PTPN3: variants seen among roughly 807,000 people sequenced by gnomAD.
PTPN3 encodes tyrosine-protein phosphatase non-receptor type 3.
PTPN3 carries 96 observed loss-of-function variants against 132.7 expected under a neutral mutation model. The ratio of observed to expected loss-of-function variants is 0.72; its 90% CI spans 0.61 to 0.86. PTPN3 has a LOEUF of 0.86. Ranked by LOEUF, PTPN3 falls within the 40% of genes least tolerant of loss-of-function variation. The pLI, the probability that PTPN3 is intolerant of heterozygous loss-of-function variation, is 0.00. For missense variants in PTPN3, 1,125 were observed against 1,159.6 expected (o/e 0.97, Z 0.43); for synonymous variants, 398 against 429.0 (o/e 0.93, Z 0.89).
intron 16 of PTPN3, among the ~76,000 whole-genome samples, chr9:109,408,807 ATATATATATATGGGCTT>A (rs1841815735): frequency 1.4e-5 from 2 of 143,324 alleles, no homozygotes; most frequent in African/African-American, 2.6e-5. Context: ...ATATATATAT[ATATATATATATGGGCTT>A]TATATATATA....
chr9:109,509,926 GT>G, the PTPN3 span, among the ~76,000 whole-genome samples: 1 of 152,118 alleles, frequency 6.6e-6, no homozygotes, highest in Non-Finnish European at 1.5e-5. Flanking sequence ...TCTGTCTGTA[GT>G]TCTGGTAAAG....
At chr9:109,477,081 C>A (rs979340849) in intron 1 of PTPN3, among the ~76,000 whole-genome samples, 13 of 152,000 alleles carry the variant, frequency 8.6e-5, no homozygotes, top group Non-Finnish European at 1.5e-4. Context: ...AGGTGATGAT[C>A]CCAAGCTCAG....
chr9:109,492,157 C>T (rs1238369889), intron 1 of PTPN3, among the ~76,000 whole-genome samples: 2 of 152,216 alleles, frequency 1.3e-5, no homozygotes, highest in Non-Finnish European at 2.9e-5. Context: ...CCAACCTCCC[C>T]TCCCCAGGCC....
In PTPN3 at chr9:109,389,228, CT is replaced by C. The variant is rs1406412938; in HGVS notation, c.2253+4del. 9.9e-6 allele frequency: 16 copies of C among 1,613,922 alleles called. No homozygotes were observed. The highest frequency in any genetic ancestry group is 1.4e-5 in the Non-Finnish European group (16 of 1,179,934). ...CACATCTGAATTAGAAATCAAGCTA[CT>C]TACCCGCCCTCGTTCTGTGAGAGTC... is the stretch of plus-strand genomic sequence containing the variant. On this transcript the variant is annotated splice_donor_region_variant and intron_variant, in intron 22 of 25. Coordinates refer to ENST00000374541, the MANE Select transcript of PTPN3 (RefSeq NM_002829.4).
At chr9:109,471,433 CT>C (rs544622065) in intron 1 of PTPN3, among the ~76,000 whole-genome samples, 1 of 152,178 alleles carries the variant, frequency 6.6e-6, no homozygotes, top group Non-Finnish European at 1.5e-5. Flanking sequence ...GAACCACTTG[CT>C]GCAGAGATCA....
intron 1 of PTPN3, among the ~76,000 whole-genome samples, chr9:109,479,850 C>T (rs1245159308): frequency 6.6e-6 from 1 of 152,150 alleles, no homozygotes; most frequent in Non-Finnish European, 1.5e-5. Context: ...GATTACAGGC[C>T]TGAGCCTCTG....
At chr9:109,417,264 C>T (rs1251365749) in intron 14 of PTPN3, among the ~76,000 whole-genome samples, 1 of 152,224 alleles carries the variant, frequency 6.6e-6, no homozygotes, top group Non-Finnish European at 1.5e-5. Context: ...GCTAAGATGG[C>T]ACTCAGGCAG....
intron 5 of PTPN3, chr9:109,450,293 T>C (rs1845165620): frequency 1.4e-5 from 14 of 985,308 alleles, no homozygotes; most frequent in Non-Finnish European, 1.7e-5. Context: ...ACATCATCAG[T>C]TCTTTCTAGT....
chr9:109,497,840 G>A (rs1348623862), intron 1 of PTPN3, among the ~76,000 whole-genome samples: 2 of 151,712 alleles, frequency 1.3e-5, no homozygotes, highest in Non-Finnish European at 2.9e-5. Flanking sequence ...TCGGAGCCCC[G>A]AGCCGGGGTC....
At chr9:109,510,406 A>T in the PTPN3 span, among the ~76,000 whole-genome samples, 1 of 151,410 alleles carries the variant, frequency 6.6e-6, no homozygotes, top group Non-Finnish European at 1.5e-5. Context: ...TAAAACTACA[A>T]AATTAGCCAG....
intron 13 of PTPN3, 83 bp from the exon 14 acceptor site, chr9:109,420,683 C>T (rs1842842630): frequency 7.2e-7 from 1 of 1,389,380 alleles, no homozygotes; most frequent in Non-Finnish European, 9.7e-7. Context: ...AACCTCGTGT[C>T]CTGACCTTTC....
intron 1 of PTPN3, among the ~76,000 whole-genome samples, chr9:109,471,727 A>T (rs1315376157): frequency 6.6e-6 from 1 of 151,552 alleles, no homozygotes; most frequent in African/African-American, 2.4e-5. Context: ...CTGGCCTCAA[A>T]CTCCTGGGCT....
At chr9:109,528,984 T>G in the PTPN3 span, among the ~76,000 whole-genome samples, 1 of 152,244 alleles carries the variant, frequency 6.6e-6, no homozygotes, top group African/African-American at 2.4e-5. Flanking sequence ...TTTAGAAATC[T>G]CTGTTAAGCT....
intron 1 of PTPN3, among the ~76,000 whole-genome samples, chr9:109,493,074 A>C (rs1847531675): frequency 6.6e-6 from 1 of 152,216 alleles, no homozygotes; most frequent in Non-Finnish European, 1.5e-5. Context: ...TGACTTTGAC[A>C]ACAGATGATT....
In PTPN3 at chr9:109,383,406, C is replaced by G; in HGVS notation, c.2382+17G>C. On this transcript the variant is annotated intron_variant, in intron 23 of 25. Transcript: ENST00000374541. ...CAGCACCTGCCCCTCCACCGTGCCCCTCAGGCTGCGGCTCACCTGGGTGTT... is the reference window on the plus strand; with the variant it reads ...CAGCACCTGCCCCTCCACCGTGCCCGTCAGGCTGCGGCTCACCTGGGTGTT... 2 of 1,614,126 alleles carry G rather than the reference C, an allele frequency of 1.2e-6. No individual in the cohort carries two copies. Among genetic ancestry groups the G allele is most frequent in the Non-Finnish European group, 1.7e-6 (2 of 1,180,016 alleles).
the PTPN3 span, among the ~76,000 whole-genome samples, chr9:109,506,482 TCTTTCCTA>T: frequency 2.0e-4 from 25 of 128,028 alleles, 1 homozygote; most frequent in East Asian, 5.1e-3. Flanking sequence ...CTTCCTTCCT[TCTTTCCTA>T]CCTACCTTCT....
the PTPN3 span, among the ~76,000 whole-genome samples, chr9:109,513,909 T>C: frequency 1.3e-5 from 2 of 152,188 alleles, no homozygotes; most frequent in Non-Finnish European, 2.9e-5. Context: ...GAAATCTCTT[T>C]TGAGGGCCAG....
intron 16 of PTPN3, among the ~76,000 whole-genome samples, 173 bp downstream of exon 16, chr9:109,409,826 C>A (rs77809372): frequency 0.038 from 5,772 of 151,928 alleles, 142 homozygotes; most frequent in East Asian, 0.15. Context: ...ACAAAAAAAA[C>A]CCCAAATATC....
intron 14 of PTPN3, among the ~76,000 whole-genome samples, chr9:109,415,065 T>A (rs1588373296): frequency 8.2e-6 from 1 of 121,886 alleles, no homozygotes. Flanking sequence ...CGTCCATCCG[T>A]CCGTCCATCC....
Sources: allele counts gnomAD v4.1 joint callset (sites outside exome capture counted in the v4.1 genomes callset), GRCh38; gene constraint gnomAD v4.1.1; transcripts MANE v1.5; gene names NCBI Gene and HGNC (gene_info 2026-07-23, HGNC 2026-07-21).